The following C1orf50 variants were observed in gnomAD, a reference collection of about 807,000 sequenced individuals.
C1orf50 encodes uncharacterized protein C1orf50.
A neutral mutation model predicts 23.3 loss-of-function variants in C1orf50; 22 were observed. The ratio of observed to expected loss-of-function variants is 0.94; its 90% confidence interval spans 0.67 to 1.35. The LOEUF is 1.35. C1orf50 is among the 40% of genes most tolerant of loss of function. C1orf50 has a pLI of 0.00. For synonymous variants in C1orf50, 96 were observed against 102.4 expected (o/e 0.94, Z 0.38); for missense variants, 271 against 249.4 (o/e 1.09, Z -0.58).
chr1:42,771,889 A>T (rs939451903), intron 2 of C1orf50, among the ~76,000 whole-genome samples: 1 of 150,968 alleles, frequency 6.6e-6, no homozygotes, highest in Non-Finnish European at 1.5e-5. Flanking sequence ...GAGGTGCGAG[A>T]TTTGCTTGAA....
chr1:42,767,317 G>C lies in C1orf50; in HGVS notation c.6G>C (p.Glu2Asp), dbSNP rs542349028. The change falls in exon 1 of 5, where the codon GAG becomes GAC. Residue 2 changes from glutamate to aspartate, a missense_variant. Coordinates refer to ENST00000372525, the MANE Select transcript of C1orf50 (RefSeq NM_024097.4). Reference sequence around the variant, plus strand: ...GGGGAGGATAAGGCGCTGTCATGGAGGACGCCGCCGCGCCGGGGCGGACCG... The same window carrying C: ...GGGGAGGATAAGGCGCTGTCATGGACGACGCCGCCGCGCCGGGGCGGACCG... M[E>D]DAAAPGRTEG... is the part of the protein sequence containing the mutation. The C allele has an allele frequency of 9.3e-6, 14 of 1,513,060 alleles. No individual in the cohort carries two copies. The Middle Eastern group carries it at 6.9e-4, about 74-fold the overall frequency. 93.7% of individuals were successfully genotyped at this position (1,513,060 alleles called of 1,614,324 possible). A position where few individuals can be genotyped will look rare whatever the true frequency, so the allele number is the denominator to read the frequency against.
Position 42,775,611 on chromosome 1 carries a change from A to T in C1orf50, c.*217A>T. The T allele has an allele frequency of 2.3e-6, 1 of 441,484 alleles. No individual in the cohort carries two copies. Among genetic ancestry groups the T allele is most frequent in the African/African-American group, 1.9e-5 (1 of 51,442 alleles). The allele number at this position is 441,484 out of a possible 1,614,324, so 27.3% of individuals were successfully genotyped here. ...TTTCGGGATCCTCTTTGGACCACAG[A>T]TACCCAAGTCAGTCAGTTTCAGAGT... On this transcript the variant is annotated 3_prime_UTR_variant, in exon 5 of 5. Coordinates refer to ENST00000372525, the MANE Select transcript of C1orf50 (RefSeq NM_024097.4).
Position 42,767,451 on chromosome 1 carries a change from C to T in C1orf50, c.80-58C>T, listed in dbSNP as rs1312713881. ...TCCCGCGAGGCAGCCGGTCTCGGGG[C>T]TCCGCGGGAGGCCGACGGCGGGAGC... On this transcript the variant is annotated intron_variant, in intron 1 of 4. Transcript: ENST00000372525. 18 of 1,553,646 alleles carry T rather than the reference C, an allele frequency of 1.2e-5. No individual in the cohort carries two copies. The South Asian group carries it at 1.9e-4, about 16-fold the overall frequency.
Position 42,775,505 on chromosome 1 carries a change from A to C in C1orf50, c.*111A>C, listed in dbSNP as rs1327288432. ...GTAGGTGACTCACAAACTTCTTGGA[A>C]AGAGACCCTGTGTGAATGTAAATGC... On this transcript the variant is annotated 3_prime_UTR_variant, in exon 5 of 5. Coordinates refer to ENST00000372525, the MANE Select transcript of C1orf50 (RefSeq NM_024097.4). 5.5e-5 allele frequency: 51 copies of C among 919,124 alleles called. No homozygotes were observed. Among genetic ancestry groups the C allele is most frequent in the Non-Finnish European group, 8.2e-5 (51 of 624,490 alleles). The allele number at this position is 919,124 out of a possible 1,614,324, so 56.9% of individuals were successfully genotyped here.
rs1553145767 is a variant in C1orf50 at position 42,775,762 on chromosome 1, T to TATATATATATA, written c.*368_*369insATATATATATA. The TATATATATATA allele has an allele frequency of 1.5e-5, 2 of 136,022 alleles. No homozygotes were observed. The highest frequency in any genetic ancestry group is 2.7e-4 in the South Asian group (1 of 3,682). 8.4% of individuals were successfully genotyped at this position (136,022 alleles called of 1,614,324 possible). On this transcript the variant is annotated 3_prime_UTR_variant, in exon 5 of 5. Transcript: ENST00000372525. ...TCCAGAGAGAACTGTTTTCAGTCTT[T>TATATATATATA]TATATATATATATATATATATATAA... is the stretch of plus-strand genomic sequence containing the variant.
At chr1:42,774,952 A>G in intron 4 of C1orf50, 84 bp downstream of exon 4, 1 of 1,500,706 alleles carries the variant, frequency 6.7e-7, no homozygotes, top group Admixed American at 1.8e-5. Flanking sequence ...AGACATGTGG[A>G]TTGGTATATG....
At chr1:42,770,621 A>G (rs1467303307) in intron 2 of C1orf50, among the ~76,000 whole-genome samples, 3 of 152,120 alleles carry the variant, frequency 2.0e-5, no homozygotes, top group African/African-American at 4.8e-5. Context: ...TAGTAGAGAC[A>G]GGGTTTCTCC....
rs755464931 is a variant in C1orf50 at position 42,775,869 on chromosome 1, T to G, written c.*475T>G. ...TAAAATTCATCTGGGAACGAGAATG[T>G]TGAGTAATGGAGGGTGATTTAAAAA... On this transcript the variant is annotated 3_prime_UTR_variant, in exon 5 of 5. Coordinates refer to ENST00000372525, the MANE Select transcript of C1orf50 (RefSeq NM_024097.4). 3 of 147,178 alleles carry G rather than the reference T, an allele frequency of 2.0e-5. No homozygotes were observed. Among genetic ancestry groups the G allele is most frequent in the Non-Finnish European group, 4.5e-5 (3 of 66,602 alleles). 9.1% of individuals were successfully genotyped at this position (147,178 alleles called of 1,614,324 possible).
At position 42,775,624 on chromosome 1, in the gene C1orf50, T is replaced by A; in HGVS notation, c.*230T>A. ...TTTGGACCACAGATACCCAAGTCAG[T>A]CAGTTTCAGAGTATTGGCCAGTGTA... On this transcript the variant is annotated 3_prime_UTR_variant, in exon 5 of 5. Coordinates refer to ENST00000372525, the MANE Select transcript of C1orf50 (RefSeq NM_024097.4). 2.4e-6 allele frequency: 1 copy of A among 424,714 alleles called. No individual in the cohort carries two copies. Among genetic ancestry groups the A allele is most frequent in the Non-Finnish European group, 4.2e-6 (1 of 235,654 alleles). The allele number at this position is 424,714 out of a possible 1,614,324, so 26.3% of individuals were successfully genotyped here.
intron 2 of C1orf50, among the ~76,000 whole-genome samples, chr1:42,772,850 T>G (rs1256080078): frequency 6.6e-6 from 1 of 152,202 alleles, no homozygotes; most frequent in Non-Finnish European, 1.5e-5. Flanking sequence ...GTGTGTACAT[T>G]ATAACTCTGT....
rs1653394152 is a variant in C1orf50, at chr1:42,778,996, T to G, written c.*3602T>G. On this transcript the variant is annotated 3_prime_UTR_variant, in exon 5 of 5. Transcript: ENST00000372525. ...ACTTCCCCCCCCCCCCCCCCCACAT[T>G]TTGGTGTCTGTCAAACTTGGACACT... 1 of 102,502 alleles carries G rather than the reference T, an allele frequency of 9.8e-6. No individual in the cohort carries two copies. Among genetic ancestry groups the G allele is most frequent in the Non-Finnish European group, 1.9e-5 (1 of 52,428 alleles). The allele number at this position is 102,502 out of a possible 1,614,324, so 6.3% of individuals were successfully genotyped here. A position where few individuals can be genotyped will look rare whatever the true frequency, so the allele number is the denominator to read the frequency against.
intron 2 of C1orf50, among the ~76,000 whole-genome samples, chr1:42,768,561 C>CT (rs34887733): frequency 0.047 from 7,120 of 150,798 alleles, 383 homozygotes; most frequent in African/African-American, 0.12. Context: ...CCTTCGAATC[C>CT]TTTTTTTTTT....
rs1432966188 is a variant in C1orf50, at chr1:42,767,488, G to A, written c.80-21G>A. 4 of 1,557,236 alleles carry A rather than the reference G, an allele frequency of 2.6e-6. No individual in the cohort carries two copies. The African/African-American group carries it at 5.4e-5, about 21-fold the overall frequency. ...CCGACGGCGGGAGCTCACGGCTTGT[G>A]TTCCTGGGTGTGTGTCGCAGGAGCC... On this transcript the variant is annotated intron_variant, in intron 1 of 4. Transcript: ENST00000372525.
At position 42,775,943 on chromosome 1, in the gene C1orf50, A is replaced by AGT. The variant is rs1449658518; in HGVS notation, c.*555_*556dup. On this transcript the variant is annotated 3_prime_UTR_variant, in exon 5 of 5. Coordinates refer to ENST00000372525, the MANE Select transcript of C1orf50 (RefSeq NM_024097.4). ...AACACTTGGCTTGGCTGGACCAGAG[A>AGT]GTGTGTGATTCTGGGATTTCTGTGC... 6.7e-6 allele frequency: 1 copy of AGT among 149,786 alleles called. No individual in the cohort carries two copies. The highest frequency in any genetic ancestry group is 2.4e-5 in the African/African-American group (1 of 40,898). 9.3% of individuals were successfully genotyped at this position (149,786 alleles called of 1,614,324 possible).
intron 4 of C1orf50, 97 bp downstream of exon 4, chr1:42,774,965 T>G: frequency 6.9e-7 from 1 of 1,440,524 alleles, no homozygotes; most frequent in South Asian, 1.3e-5. Context: ...GGTATATGGT[T>G]TCTTAGAAAA....
At position 42,778,985 on chromosome 1, in the gene C1orf50, C is replaced by CAAA. The variant is rs1653392735; in HGVS notation, c.*3591_*3592insAAA. 1 of 120,322 alleles carries CAAA rather than the reference C, an allele frequency of 8.3e-6. No homozygotes were observed. The highest frequency in any genetic ancestry group is 2.0e-5 in the Non-Finnish European group (1 of 50,318). The allele number at this position is 120,322 out of a possible 1,614,324, so 7.5% of individuals were successfully genotyped here. On this transcript the variant is annotated 3_prime_UTR_variant, in exon 5 of 5. Coordinates refer to ENST00000372525, the MANE Select transcript of C1orf50 (RefSeq NM_024097.4). Reference sequence around the variant, plus strand: ...TTACAAGGTGTACTTCCCCCCCCCCCCCCCCCACATTTTGGTGTCTGTCAA... The same window carrying CAAA: ...TTACAAGGTGTACTTCCCCCCCCCCCAAACCCCCCACATTTTGGTGTCTGTCAA...
At chr1:42,769,387 T>C (rs185249562) in intron 2 of C1orf50, among the ~76,000 whole-genome samples, 1 of 148,938 alleles carries the variant, frequency 6.7e-6, no homozygotes, top group Non-Finnish European at 1.5e-5. Context: ...TCTACTAAAA[T>C]ACAAAAAATT....
At position 42,767,317 on chromosome 1, in the gene C1orf50, G is replaced by A. The variant is rs542349028; in HGVS notation, c.6G>A (p.Glu2=). M[E]DAAAPGRTEG... is the part of the protein sequence containing the mutation. ...GGGGAGGATAAGGCGCTGTCATGGA[G>A]GACGCCGCCGCGCCGGGGCGGACCG... Residue 2 remains glutamate (E), a synonymous_variant, in exon 1 of 5, where the codon GAG becomes GAA. Transcript: ENST00000372525. 6.6e-7 allele frequency: 1 copy of A among 1,513,060 alleles called. No individual in the cohort carries two copies. The highest frequency in any genetic ancestry group is 8.8e-7 in the Non-Finnish European group (1 of 1,136,104). 93.7% of individuals were successfully genotyped at this position (1,513,060 alleles called of 1,614,324 possible).
intron 4 of C1orf50, 74 bp downstream of exon 4, chr1:42,774,942 A>C: frequency 6.5e-7 from 1 of 1,528,436 alleles, no homozygotes; most frequent in Non-Finnish European, 8.9e-7. Context: ...GTGAAAATGT[A>C]GACATGTGGA....
Sources: allele counts gnomAD v4.1 joint callset (sites outside exome capture counted in the v4.1 genomes callset), GRCh38; gene constraint gnomAD v4.1.1; transcripts MANE v1.5; gene names NCBI Gene and HGNC (gene_info 2026-07-23, HGNC 2026-07-21).